GPR141: variants seen among roughly 807,000 people sequenced by gnomAD.
GPR141 encodes the protein probable G protein-coupled receptor 141.
A neutral mutation model predicts 6.8 loss-of-function variants in GPR141; 6 were observed. The observed-to-expected ratio is 0.88, with a 90% CI of 0.48 to 1.74. The LOEUF is 1.74. Ranked by LOEUF, GPR141 falls within the 40% of genes most tolerant of loss-of-function variation. The pLI is 0.01. For synonymous variants in GPR141, 140 were observed against 142.3 expected (o/e 0.98, Z 0.11); for missense variants, 372 against 372.9 (o/e 1.00, Z 0.02).
At position 37,718,978 on chromosome 7, in the gene GPR141, A is replaced by G. The variant is rs117157692; in HGVS notation, c.-14-21402A>G. 3.2e-3 allele frequency among the ~76,000 whole-genome samples: 493 copies of G among 151,994 alleles called. 18 individuals carry two copies. The East Asian group carries it at 0.055, about 17-fold the overall frequency. On this transcript the variant is annotated intron_variant, in intron 2 of 2. Coordinates refer to ENST00000334425, the MANE Select transcript of GPR141 (RefSeq NM_001381946.1). The stretch of plus-strand genomic sequence containing the variant: ...GTGTATATGTGTTGCAGGGTGGGGG[A>G]TAGGGTTGGAGGGCATTATGGAGGC...
chr7:37,740,540 A>C lies in GPR141; in HGVS notation c.147A>C (p.Ser49=), dbSNP rs773176877. ...TCCTGGTGAAAATGAACACCCGGTC[A>C]GTGACCACCATGGCGGTCATTAACT... The part of the protein sequence containing the change: ...LFLLVKMNTR[S]VTTMAVINLV... Residue 49 remains serine (S), a synonymous_variant, in exon 3 of 3, where the codon TCA becomes TCC. Transcript: ENST00000334425. 1.9e-6 allele frequency: 3 copies of C among 1,614,122 alleles called. No individual in the cohort carries two copies. The highest frequency in any genetic ancestry group is 1.7e-6 in the Non-Finnish European group (2 of 1,179,984).
At chr7:37,727,421 G>T (rs1258256721) in intron 2 of GPR141, among the ~76,000 whole-genome samples, 1 of 152,026 alleles carries the variant, frequency 6.6e-6, no homozygotes, top group East Asian at 1.9e-4. Context: ...TGATTGTGTG[G>T]TTTGGTACAT....
chr7:37,685,829 T>C (rs1809487167), intron 2 of GPR141, among the ~76,000 whole-genome samples: 2 of 150,362 alleles, frequency 1.3e-5, no homozygotes, highest in African/African-American at 4.9e-5. Flanking sequence ...CCAATTGTAG[T>C]TAAGGACCAC....
At chr7:37,722,300 A>G (rs1287727317) in intron 2 of GPR141, among the ~76,000 whole-genome samples, 1 of 152,182 alleles carries the variant, frequency 6.6e-6, no homozygotes, top group Non-Finnish European at 1.5e-5. Flanking sequence ...ATAAAAGTGC[A>G]CGGAAACAGG....
At chr7:37,720,583 A>G (rs1247317416) in intron 2 of GPR141, among the ~76,000 whole-genome samples, 1 of 152,062 alleles carries the variant, frequency 6.6e-6, no homozygotes, top group Non-Finnish European at 1.5e-5. Context: ...CTACTAAAAT[A>G]CAAAAAAATT....
At chr7:37,714,287 A>G (rs1259256423) in intron 2 of GPR141, among the ~76,000 whole-genome samples, 2 of 152,216 alleles carry the variant, frequency 1.3e-5, no homozygotes, top group Non-Finnish European at 1.5e-5. Context: ...TCTTATTTCA[A>G]TTACTATGTT....
In GPR141 at chr7:37,742,547, A is replaced by T. The variant is rs909521099; in HGVS notation, c.*1236A>T. On this transcript the variant is annotated 3_prime_UTR_variant, in exon 3 of 3. Transcript: ENST00000334425. ...TGCTGAGAATGATGGTTTCCAGGTT[A>T]AAATTATATATTTTTAAATAAATGA... Among the ~76,000 whole-genome samples the T allele has an allele frequency of 6.6e-6, 1 of 152,128 alleles. No individual in the cohort carries two copies. Among genetic ancestry groups the T allele is most frequent in the Non-Finnish European group, 1.5e-5 (1 of 68,020 alleles).
chr7:37,723,280 A>T (rs1257630208), intron 2 of GPR141, among the ~76,000 whole-genome samples: 1 of 152,160 alleles, frequency 6.6e-6, no homozygotes, highest in East Asian at 1.9e-4. Context: ...GACATGAGCC[A>T]CCGTGCCTGG....
intron 2 of GPR141, among the ~76,000 whole-genome samples, chr7:37,702,237 T>G (rs1810307397): frequency 6.6e-6 from 1 of 152,186 alleles, no homozygotes; most frequent in African/African-American, 2.4e-5. Context: ...ATTGATAAAA[T>G]GTACATCTAT....
intron 2 of GPR141, among the ~76,000 whole-genome samples, chr7:37,720,332 C>T (rs545886090): frequency 3.9e-5 from 6 of 152,294 alleles, no homozygotes; most frequent in African/African-American, 1.4e-4. Flanking sequence ...ACATGGCCCA[C>T]CTTGGGCTAG....
At chr7:37,687,496 A>G (rs1809563981) in intron 2 of GPR141, among the ~76,000 whole-genome samples, 1 of 152,064 alleles carries the variant, frequency 6.6e-6, no homozygotes, top group South Asian at 2.1e-4. Context: ...GTGCAGTATC[A>G]CTCTATATTA....
chr7:37,693,735 G>A (rs143291893), intron 2 of GPR141, among the ~76,000 whole-genome samples: 2,219 of 152,180 alleles, frequency 0.015, 132 homozygotes, highest in Admixed American at 0.1. Context: ...CTGGGAAGAG[G>A]GGTATCTCAG....
chr7:37,701,337 T>G (rs1247159305), intron 2 of GPR141, among the ~76,000 whole-genome samples: 1 of 152,174 alleles, frequency 6.6e-6, no homozygotes, highest in African/African-American at 2.4e-5. Flanking sequence ...TTTCTGACTT[T>G]AATGTTTGAG....
intron 2 of GPR141, among the ~76,000 whole-genome samples, chr7:37,707,420 G>T (rs76641024): frequency 0.033 from 4,974 of 152,126 alleles, 279 homozygotes; most frequent in African/African-American, 0.11. Context: ...GACTCTAGTT[G>T]TGGCATTATA....
chr7:37,731,285 G>A (rs1331156518), intron 2 of GPR141, among the ~76,000 whole-genome samples: 1 of 152,194 alleles, frequency 6.6e-6, no homozygotes, highest in African/African-American at 2.4e-5. Flanking sequence ...AATCCCCCTT[G>A]TACCTGCATA....
At chr7:37,735,880 A>G (rs1202377528) in intron 2 of GPR141, among the ~76,000 whole-genome samples, 1 of 152,224 alleles carries the variant, frequency 6.6e-6, no homozygotes, top group Non-Finnish European at 1.5e-5. Flanking sequence ...ACAGCCTAGA[A>G]CTGAAAGTAT....
intron 2 of GPR141, among the ~76,000 whole-genome samples, chr7:37,691,246 CTTTTT>C (rs375372143): frequency 2.0e-5 from 2 of 97,958 alleles, no homozygotes; most frequent in Non-Finnish European, 4.0e-5. Context: ...TAGTTGGGTC[CTTTTT>C]TTTTTTTTTT....
At chr7:37,713,498 T>C (rs1810907254) in intron 2 of GPR141, 1 of 152,174 alleles carries the variant, frequency 6.6e-6, no homozygotes, top group African/African-American at 2.4e-5. Context: ...GTTAAAACAC[T>C]TTAGTCAATG....
intron 2 of GPR141, among the ~76,000 whole-genome samples, chr7:37,695,357 C>T (rs1398007916): frequency 6.6e-6 from 1 of 152,236 alleles, no homozygotes; most frequent in African/African-American, 2.4e-5. Context: ...GGGTGGGACA[C>T]TGTGTCCACT....
Sources: gnomAD v4.1 joint callset for allele counts (sites outside exome capture counted in the v4.1 genomes callset) on GRCh38, gnomAD v4.1.1 for gene constraint, MANE v1.5 for transcripts, NCBI Gene and HGNC (gene_info 2026-07-23, HGNC 2026-07-21) for gene names.